The following OSTC variants were observed in gnomAD, a reference collection of about 807,000 sequenced individuals.
The protein encoded by OSTC is oligosaccharyltransferase complex non-catalytic subunit.
In OSTC, 16 loss-of-function variants were observed where a neutral mutation model predicts 16.4. That is an observed-to-expected ratio of 0.98 (90% confidence interval 0.66 to 1.49). The LOEUF (loss-of-function observed/expected upper bound fraction) is 1.49, where lower values mean the gene tolerates loss of function less well. Ranked by LOEUF, OSTC falls within the 40% of genes most tolerant of loss-of-function variation. The pLI is 0.00. For synonymous variants in OSTC, 67 were observed against 68.5 expected (o/e 0.98, Z 0.11); for missense variants, 139 against 186.3 (o/e 0.75, Z 1.48).
chr4:108,667,511 G>A lies in OSTC; in HGVS notation c.*246G>A. 2.7e-6 allele frequency: 1 copy of A among 368,056 alleles called. No homozygotes were observed. 22.8% of individuals were successfully genotyped at this position (368,056 alleles called of 1,614,324 possible). A position where few individuals can be genotyped will look rare whatever the true frequency, so the allele number is the denominator to read the frequency against. Reference sequence around the variant, plus strand: ...ATTGCTATACCAATGATGTTGAGTGGCATTTTCTTTTTAGTTTTTCATTAA... The same window carrying A: ...ATTGCTATACCAATGATGTTGAGTGACATTTTCTTTTTAGTTTTTCATTAA... On this transcript the variant is annotated 3_prime_UTR_variant, in exon 4 of 4. Coordinates refer to ENST00000361564, the MANE Select transcript of OSTC (RefSeq NM_021227.4).
chr4:108,663,220 G>T, intron 3 of OSTC: 1 of 455,554 alleles, frequency 2.2e-6, no homozygotes, highest in South Asian at 1.6e-5. Flanking sequence ...TTTTTGTTTT[G>T]TTTCGTATTG....
intron 1 of OSTC, among the ~76,000 whole-genome samples, chr4:108,652,588 CAAAT>C (rs950050535): frequency 6.6e-6 from 1 of 152,036 alleles, no homozygotes; most frequent in Non-Finnish European, 1.5e-5. Context: ...TTGTTGCTGA[CAAAT>C]AGTCAGCAAA....
chr4:108,656,480 T>C (rs867393869), intron 2 of OSTC, among the ~76,000 whole-genome samples: 1 of 151,408 alleles, frequency 6.6e-6, no homozygotes, highest in African/African-American at 2.4e-5. Context: ...AAAAATACCC[T>C]GTTTACATAT....
In OSTC at chr4:108,657,449, G is replaced by C; in HGVS notation, c.234-1G>C. 3.1e-6 allele frequency: 5 copies of C among 1,604,382 alleles called. No homozygotes were observed. Among genetic ancestry groups the C allele is most frequent in the Non-Finnish European group, 3.4e-6 (4 of 1,172,658 alleles). On this transcript the variant is annotated splice_acceptor_variant, in intron 2 of 3. Coordinates refer to ENST00000361564, the MANE Select transcript of OSTC (RefSeq NM_021227.4). LOFTEE classifies it high-confidence loss of function. ...TCTATGGTCATTCTTTTCTTTTCCA[G>C]AGTAAATGGACAATATATTATGGAA...
chr4:108,652,869 C>T (rs1197659007), intron 1 of OSTC, among the ~76,000 whole-genome samples: 1 of 152,028 alleles, frequency 6.6e-6, no homozygotes, highest in African/African-American at 2.4e-5. Context: ...GAAACCCTGT[C>T]TCTACTGAAA....
chr4:108,667,190 AAG>A (rs1727030709), intron 3 of OSTC, 55 bp from the exon 4 acceptor site: 7 of 1,434,598 alleles, frequency 4.9e-6, no homozygotes, highest in South Asian at 2.5e-5. Flanking sequence ...CTATGATAAT[AAG>A]AGAATATAAA....
intron 3 of OSTC, among the ~76,000 whole-genome samples, chr4:108,661,108 T>A (rs1726845949): frequency 6.6e-6 from 1 of 151,420 alleles, no homozygotes; most frequent in South Asian, 2.1e-4. Context: ...ATCCCAGCTA[T>A]TTGGGAGGCT....
chr4:108,665,206 C>G (rs1726962433), intron 3 of OSTC, among the ~76,000 whole-genome samples: 1 of 152,160 alleles, frequency 6.6e-6, no homozygotes, highest in Admixed American at 6.5e-5. Flanking sequence ...TCTTACGTTA[C>G]CAGTGAAGAA....
chr4:108,650,753 T>C lies in OSTC; in HGVS notation c.98T>C (p.Val33Ala), dbSNP rs1334323083. 1 of 1,614,120 alleles carries C rather than the reference T, an allele frequency of 6.2e-7. No individual in the cohort carries two copies. ...TTGCACATGCCGTCGGCCATGACTG[T>C]GTATGCTCTGGTGGTGGTGTCTTAC... ...PWLHMPSAMT[V>A]YALVVVSYFL... is the part of the protein sequence containing the mutation. The change falls in exon 1 of 4, where the codon GTG (valine) becomes GCG (alanine). Residue 33 changes from valine (V) to alanine (A), a missense_variant. Transcript: ENST00000361564.
chr4:108,665,533 GTGTTT>G (rs140237062), intron 3 of OSTC, among the ~76,000 whole-genome samples: 1 of 125,952 alleles, frequency 7.9e-6, no homozygotes, highest in Non-Finnish European at 1.7e-5. Context: ...AGGATGTTTT[GTGTTT>G]TGTTTTGTTT....
chr4:108,654,965 C>A (rs1348530319), intron 1 of OSTC, among the ~76,000 whole-genome samples: 1 of 152,120 alleles, frequency 6.6e-6, no homozygotes, highest in Non-Finnish European at 1.5e-5. Context: ...AGTTTTAAAT[C>A]CCCTTTATAC....
intron 1 of OSTC, among the ~76,000 whole-genome samples, chr4:108,655,301 A>C (rs1560622605): frequency 6.6e-6 from 1 of 152,156 alleles, no homozygotes; most frequent in Non-Finnish European, 1.5e-5. Flanking sequence ...TCCCGTCTCT[A>C]CTAAAAATAC....
At chr4:108,658,358 A>C (rs1432454136) in intron 3 of OSTC, among the ~76,000 whole-genome samples, 17 of 152,072 alleles carry the variant, frequency 1.1e-4, no homozygotes, top group Admixed American at 1.1e-3. Context: ...AAGAAAACCC[A>C]TTATGCCTTG....
chr4:108,655,937 A>G (rs1726687800), intron 2 of OSTC, among the ~76,000 whole-genome samples: 1 of 152,104 alleles, frequency 6.6e-6, no homozygotes, highest in South Asian at 2.1e-4. Context: ...AGTGAACTAT[A>G]GCTGCTTTTT....
At chr4:108,654,499 G>A (rs764370141) in intron 1 of OSTC, among the ~76,000 whole-genome samples, 3 of 152,126 alleles carry the variant, frequency 2.0e-5, no homozygotes. Context: ...ATTATAGGAG[G>A]TGGGAATCTT....
intron 1 of OSTC, among the ~76,000 whole-genome samples, chr4:108,654,096 G>A (rs1458090071): frequency 6.6e-6 from 1 of 152,138 alleles, no homozygotes; most frequent in African/African-American, 2.4e-5. Context: ...TCAAGAAATT[G>A]GTTTAGTAAA....
At chr4:108,655,431 A>G in intron 1 of OSTC, 133 bp from the exon 2 acceptor site, 1 of 527,336 alleles carries the variant, frequency 1.9e-6, no homozygotes, top group South Asian at 2.8e-5. Flanking sequence ...GCGCCACTGC[A>G]CTCTCAACCT....
At chr4:108,657,397 A>T in intron 2 of OSTC, 53 bp from the exon 3 acceptor site, 1 of 1,481,138 alleles carries the variant, frequency 6.8e-7, no homozygotes, top group Non-Finnish European at 9.3e-7. Context: ...ATTTCAATTT[A>T]AGGGAAACAT....
At chr4:108,657,703 G>A in intron 3 of OSTC, 56 bp downstream of exon 3, 1 of 1,440,470 alleles carries the variant, frequency 6.9e-7, no homozygotes, top group Non-Finnish European at 9.6e-7. Context: ...ATGATTACCT[G>A]GAAAATGTAA....
Sources: gnomAD v4.1 joint callset for allele counts (sites outside exome capture counted in the v4.1 genomes callset) on GRCh38, gnomAD v4.1.1 for gene constraint, MANE v1.5 for transcripts, NCBI Gene and HGNC (gene_info 2026-07-23, HGNC 2026-07-21) for gene names.